The following ACAA1 variants were observed in gnomAD, a reference collection of about 807,000 sequenced individuals.
ACAA1 encodes the protein 3-ketoacyl-CoA thiolase, peroxisomal.
A neutral mutation model predicts 48.8 loss-of-function variants in ACAA1; 44 were observed. That is an observed-to-expected ratio of 0.90 (90% CI 0.71 to 1.16). The LOEUF (loss-of-function observed/expected upper bound fraction) is 1.16. Ranked by LOEUF, ACAA1 falls within the 50% of genes most tolerant of loss-of-function variation. ACAA1 has a pLI of 0.00. For synonymous variants in ACAA1, 233 were observed against 226.5 expected (o/e 1.03, Z -0.26); for missense variants, 512 against 562.3 (o/e 0.91, Z 0.90).
At chr3:38,127,720 C>T in intron 7 of ACAA1, 66 bp downstream of exon 7, 1 of 1,541,778 alleles carries the variant, frequency 6.5e-7, no homozygotes, top group Admixed American at 1.7e-5. Context: ...CCACTTCAGA[C>T]CACTTAGATA....
At position 38,123,106 on chromosome 3, in the gene ACAA1, A is replaced by G; in HGVS notation, c.1216T>C (p.Ser406Pro). The change falls in exon 12 of 12, where the codon TCC (serine) becomes CCC (proline). Residue 406 changes from serine to proline, a missense_variant. Coordinates refer to ENST00000333167, the MANE Select transcript of ACAA1 (RefSeq NM_001607.4). Reference sequence around the variant, plus strand: ...CCCATTCCAGTCCCGATGCACATGGACACCACTCCGTATGCCCTGTGAAAA... The same window carrying G: ...CCCATTCCAGTCCCGATGCACATGGGCACCACTCCGTATGCCCTGTGAAAA... The part of the protein sequence containing the change: ...RRGKRAYGVV[S>P]MCIGTGMGAA... 2 of 1,614,176 alleles carry G rather than the reference A, an allele frequency of 1.2e-6. No individual in the cohort carries two copies. Among genetic ancestry groups the G allele is most frequent in the Non-Finnish European group, 1.7e-6 (2 of 1,180,034 alleles).
chr3:38,135,966 G>A (rs1700883091), intron 2 of ACAA1, among the ~76,000 whole-genome samples: 1 of 152,220 alleles, frequency 6.6e-6, no homozygotes, highest in African/African-American at 2.4e-5. Context: ...ACAATACCCA[G>A]GCTTTCTTGG....
rs1700568972 is a variant in ACAA1 at position 38,123,030 on chromosome 3, C to T, written c.*17G>A. 6.2e-7 allele frequency: 1 copy of T among 1,613,748 alleles called. No individual in the cohort carries two copies. Among genetic ancestry groups the T allele is most frequent in the South Asian group, 1.1e-5 (1 of 91,088 alleles). On this transcript the variant is annotated 3_prime_UTR_variant, in exon 12 of 12. Coordinates refer to ENST00000333167, the MANE Select transcript of ACAA1 (RefSeq NM_001607.4). ...CAGCAGGACTGTCTGCGTAGCGCCT[C>T]CAGCCTGGGACCTCACTCAGTTCCC...
In ACAA1 at chr3:38,125,598, G is replaced by T; in HGVS notation, c.1166C>A (p.Thr389Lys). Reference protein sequence around the residue: ...LGCTGARQVITLLNELKRRGK... With the variant: ...LGCTGARQVIKLLNELKRRGK... ...ACGGCGCTTCAGCTCATTGAGCAGCGTGATGACCTGTCGTGCCCCAGTGCA... is the reference window on the plus strand; with the variant it reads ...ACGGCGCTTCAGCTCATTGAGCAGCTTGATGACCTGTCGTGCCCCAGTGCA... Residue 389 changes from threonine to lysine, a missense_variant, in exon 11 of 12, where the codon ACG becomes AAG. Transcript: ENST00000333167. 6.3e-7 allele frequency: 1 copy of T among 1,588,452 alleles called. No individual in the cohort carries two copies. The highest frequency in any genetic ancestry group is 8.6e-7 in the Non-Finnish European group (1 of 1,166,584).
Position 38,136,936 on chromosome 3 carries a change from A to C in ACAA1, c.100T>G (p.Ser34Ala). The C allele has an allele frequency of 6.5e-7, 1 of 1,542,146 alleles. No individual in the cohort carries two copies. Among genetic ancestry groups the C allele is most frequent in the Non-Finnish European group, 8.7e-7 (1 of 1,146,154 alleles). Residue 34 changes from serine (S) to alanine (A), a missense_variant, in exon 1 of 12, where the codon TCG (serine) becomes GCG (alanine). Coordinates refer to ENST00000333167, the MANE Select transcript of ACAA1 (RefSeq NM_001607.4). ...TGCACCACCACCACGTCCGCGGCCGAGGCCTGCGGGGCACCGCTCAGGCAA... is the reference window on the plus strand; with the variant it reads ...TGCACCACCACCACGTCCGCGGCCGCGGCCTGCGGGGCACCGCTCAGGCAA... ...APCLSGAPQA[S>A]AADVVVVHGR...
rs78595956 is a variant in ACAA1 at position 38,129,084 on chromosome 3, G to A, written c.545+206C>T. On this transcript the variant is annotated intron_variant, in intron 6 of 11. Coordinates refer to ENST00000333167, the MANE Select transcript of ACAA1 (RefSeq NM_001607.4). This position sits in a 1 kb window ranked among gnomAD's most constrained non-coding sequence, Gnocchi z 5.3. ...CAAGGTGGGCGATGTTTGGAAACTC[G>A]GGGGCACAGAGAGGACCTGGGGCCT... Among the ~76,000 whole-genome samples the A allele has an allele frequency of 7.7e-3, 1,170 of 152,204 alleles. 15 individuals carry two copies. The highest frequency in any genetic ancestry group is 0.026 in the African/African-American group (1,082 of 41,516).
rs1700906638 is a variant in ACAA1 at position 38,136,736 on chromosome 3, C to T, written c.172-51G>A. ...GACCCCCACTCCCCCATGCCCACCC[C>T]AGGGAGACAAAGCGACCACAGCTGG... On this transcript the variant is annotated intron_variant, in intron 1 of 11. Transcript: ENST00000333167. 3 of 1,536,778 alleles carry T rather than the reference C, an allele frequency of 2.0e-6. No homozygotes were observed. The East Asian group carries it at 7.2e-5, about 37-fold the overall frequency.
intron 6 of ACAA1, 135 bp from the exon 7 acceptor site, chr3:38,128,001 A>G (rs1417742739): frequency 2.5e-6 from 2 of 789,906 alleles, no homozygotes; most frequent in Non-Finnish European, 4.4e-6. Flanking sequence ...AGTCCATGCC[A>G]CAGACAGTAG....
Position 38,125,613 on chromosome 3 carries a change from G to A in ACAA1, c.1151C>T (p.Ala384Val). 6.3e-7 allele frequency: 1 copy of A among 1,595,852 alleles called. No individual in the cohort carries two copies. The highest frequency in any genetic ancestry group is 1.7e-4 in the Middle Eastern group (1 of 5,954). Residue 384 changes from alanine (A) to valine (V), a missense_variant, in exon 11 of 12, where the codon GCA becomes GTA. Ala to Val is a moderately conservative substitution (Grantham distance 64). Coordinates refer to ENST00000333167, the MANE Select transcript of ACAA1 (RefSeq NM_001607.4). ...ATTGAGCAGCGTGATGACCTGTCGT[G>A]CCCCAGTGCAGCCCAGTGGGTGCCC... ...ALGHPLGCTG[A>V]RQVITLLNEL...
rs1457464589 is a variant in ACAA1, at chr3:38,129,814, G to A, written c.447-426C>T. 6.6e-6 allele frequency among the ~76,000 whole-genome samples: 1 copy of A among 152,164 alleles called. No individual in the cohort carries two copies. The highest frequency in any genetic ancestry group is 2.4e-5 in the African/African-American group (1 of 41,442). On this transcript the variant is annotated intron_variant, in intron 5 of 11. Coordinates refer to ENST00000333167, the MANE Select transcript of ACAA1 (RefSeq NM_001607.4). The surrounding 1 kb of genome is among the most constrained non-coding windows in gnomAD (Gnocchi z 5.3). ...CCACAGGCCGGCTGTGGTGGCTCAC[G>A]CCTGTAATCCCAGCACTTTGGGAGG...
intron 4 of ACAA1, 99 bp from the exon 5 acceptor site, chr3:38,131,737 C>A: frequency 7.0e-7 from 1 of 1,425,008 alleles, no homozygotes; most frequent in Non-Finnish European, 9.9e-7. Flanking sequence ...GGGACTCAGC[C>A]CCAGCCTCAG....
Position 38,122,931 on chromosome 3 carries a change from C to A in ACAA1, c.*116G>T. 1 of 1,068,012 alleles carries A rather than the reference C, an allele frequency of 9.4e-7. No individual in the cohort carries two copies. Among genetic ancestry groups the A allele is most frequent in the Non-Finnish European group, 1.4e-6 (1 of 709,366 alleles). The allele number at this position is 1,068,012 out of a possible 1,614,324, so 66.2% of individuals were successfully genotyped here. Reference sequence around the variant, plus strand: ...ATGAGTTGAAGTGCCTTGATCTGTCCACTGCCACCACCACCAGTGCTGAGT... The same window carrying A: ...ATGAGTTGAAGTGCCTTGATCTGTCAACTGCCACCACCACCAGTGCTGAGT... On this transcript the variant is annotated 3_prime_UTR_variant, in exon 12 of 12. Coordinates refer to ENST00000333167, the MANE Select transcript of ACAA1 (RefSeq NM_001607.4).
At position 38,123,021 on chromosome 3, in the gene ACAA1, G is replaced by T. The variant is rs374397648; in HGVS notation, c.*26C>A. 7.4e-6 allele frequency: 12 copies of T among 1,612,162 alleles called. No homozygotes were observed. The East Asian group carries it at 2.5e-4, about 33-fold the overall frequency. On this transcript the variant is annotated 3_prime_UTR_variant, in exon 12 of 12. Coordinates refer to ENST00000333167, the MANE Select transcript of ACAA1 (RefSeq NM_001607.4). Reference sequence around the variant, plus strand: ...CTGCTAGAGCAGCAGGACTGTCTGCGTAGCGCCTCCAGCCTGGGACCTCAC... The same window carrying T: ...CTGCTAGAGCAGCAGGACTGTCTGCTTAGCGCCTCCAGCCTGGGACCTCAC...
chr3:38,124,453 A>G (rs895435844), intron 11 of ACAA1: 2 of 152,038 alleles, frequency 1.3e-5, no homozygotes, highest in African/African-American at 4.8e-5. Flanking sequence ...AAAAAATACG[A>G]AAAATTAGCT....
chr3:38,136,750 G>T, intron 1 of ACAA1, 65 bp from the exon 2 acceptor site: 1 of 1,511,662 alleles, frequency 6.6e-7, no homozygotes, highest in South Asian at 1.3e-5. Context: ...GAGACAAAGC[G>T]ACCACAGCTG....
intron 2 of ACAA1, chr3:38,135,357 T>C (rs1700869574): frequency 6.6e-6 from 1 of 152,128 alleles, no homozygotes; most frequent in Admixed American, 6.5e-5. Flanking sequence ...AGGGGACTGG[T>C]GCTCAGCAAT....
Position 38,136,694 on chromosome 3 carries a change from G to A in ACAA1, c.172-9C>T, listed in dbSNP as rs374322144. The A allele has an allele frequency of 2.5e-5, 40 of 1,604,610 alleles. No individual in the cohort carries two copies. In the African/African-American group the frequency reaches 3.8e-4, roughly 15 times the overall value. On this transcript the variant is annotated splice_polypyrimidine_tract_variant and intron_variant, in intron 1 of 11. Transcript: ENST00000333167. The stretch of plus-strand genomic sequence containing the variant: ...TCGTCGGGGGTGGTGTCCTGCAGCA[G>A]AAAGAGCAGCCGCAGTGACCCCCAC...
chr3:38,136,875 C>A lies in ACAA1; in HGVS notation c.161G>T (p.Gly54Val), dbSNP rs1463932472. The change falls in exon 1 of 12, where the codon GGC becomes GTC. Residue 54 changes from glycine to valine, a missense_variant. Physicochemically the swap from Gly to Val is moderately radical, Grantham distance 109 (BLOSUM62 -3). Coordinates refer to ENST00000333167, the MANE Select transcript of ACAA1 (RefSeq NM_001607.4). ...ACCCTCGGGCCTCACCTTGAAGCCG[C>A]CGCGGCCCGCCCGGCAGATGGCCGT... is the stretch of plus-strand genomic sequence containing the variant. ...RRTAICRAGR[G>V]GFKDTTPDEL... 5.9e-6 allele frequency: 9 copies of A among 1,525,220 alleles called. No homozygotes were observed. The Admixed American group carries it at 8.2e-5, about 14-fold the overall frequency. 94.5% of individuals were successfully genotyped at this position (1,525,220 alleles called of 1,614,324 possible).
In ACAA1 at chr3:38,129,148, C is replaced by T. The variant is rs766029305; in HGVS notation, c.545+142G>A. ...GTCAAGGGCAACATCAAGTCTCATC[C>T]CCAAAGTCCCTGCGGAGCAGACCAT... On this transcript the variant is annotated intron_variant, in intron 6 of 11. Transcript: ENST00000333167. The surrounding 1 kb of genome is among the most constrained non-coding windows in gnomAD (Gnocchi z 5.3). 3.8e-4 allele frequency: 264 copies of T among 688,802 alleles called. No individual in the cohort carries two copies. The highest frequency in any genetic ancestry group is 2.0e-3 in the Middle Eastern group (8 of 4,004). 42.7% of individuals were successfully genotyped at this position (688,802 alleles called of 1,614,324 possible). A position where few individuals can be genotyped will look rare whatever the true frequency, so the allele number is the denominator to read the frequency against.
Sources: gnomAD v4.1 joint callset for allele counts (sites outside exome capture counted in the v4.1 genomes callset) on GRCh38, gnomAD v4.1.1 for gene constraint, Gnocchi (gnomAD v3.1) non-coding constraint, MANE v1.5 for transcripts, NCBI Gene and HGNC (gene_info 2026-07-23, HGNC 2026-07-21) for gene names.